The following RBPMS variants were observed in gnomAD, a reference collection of about 807,000 sequenced individuals.
The protein encoded by RBPMS is RNA-binding protein with multiple splicing.
In RBPMS, 7 loss-of-function variants were observed where a neutral mutation model predicts 26.8. The observed-to-expected ratio is 0.26, with a 90% CI of 0.15 to 0.49. The LOEUF (loss-of-function observed/expected upper bound fraction) is 0.49, where lower values mean the gene tolerates loss of function less well. RBPMS is among the 20% of genes least tolerant of loss of function. The pLI is 0.98. For missense variants in RBPMS, 186 were observed against 250.0 expected, an observed-to-expected ratio of 0.74 and a Z score of 1.73; for synonymous variants, 96 against 93.3, an observed-to-expected ratio of 1.03 and a Z score of -0.17.
intron 1 of RBPMS, among the ~76,000 whole-genome samples, chr8:30,451,162 G>A (rs1378166995): frequency 1.3e-5 from 2 of 152,154 alleles, no homozygotes; most frequent in East Asian, 3.9e-4. Flanking sequence ...GTAGAAGTAG[G>A]TGGACTACAA....
chr8:30,481,246 G>A (rs1022709717), intron 4 of RBPMS, among the ~76,000 whole-genome samples: 5 of 152,162 alleles, frequency 3.3e-5, no homozygotes, highest in Non-Finnish European at 7.3e-5. Context: ...GATTACAAGC[G>A]TGAGCCACCA....
At chr8:30,547,461 CTA>C (rs1184940233) in intron 6 of RBPMS, 13 of 1,574,954 alleles carry the variant, frequency 8.3e-6, no homozygotes, top group Non-Finnish European at 1.1e-5. Flanking sequence ...TTCACAAAAA[CTA>C]TTTCTTGACG....
intron 5 of RBPMS, among the ~76,000 whole-genome samples, chr8:30,511,873 C>T (rs1821755193): frequency 6.6e-6 from 1 of 151,968 alleles, no homozygotes; most frequent in South Asian, 2.1e-4. Flanking sequence ...ATTTGATGGC[C>T]AAGGTGCATT....
intron 4 of RBPMS, among the ~76,000 whole-genome samples, chr8:30,500,263 T>TA (rs1820408881): frequency 6.6e-6 from 1 of 152,130 alleles, no homozygotes; most frequent in African/African-American, 2.4e-5. Flanking sequence ...TTTCTGGACT[T>TA]ACACAGATAG....
At chr8:30,421,948 CTG>C (rs1810840468) in intron 1 of RBPMS, among the ~76,000 whole-genome samples, 2 of 82,902 alleles carry the variant, frequency 2.4e-5, no homozygotes, top group African/African-American at 5.5e-5. Flanking sequence ...TAGCGAGACT[CTG>C]TCTCAAAAAA....
intron 5 of RBPMS, among the ~76,000 whole-genome samples, chr8:30,505,706 T>C (rs974010270): frequency 9.8e-5 from 15 of 152,338 alleles, no homozygotes; most frequent in African/African-American, 3.6e-4. Context: ...TCTTCATCCT[T>C]ATAGTATCTA....
chr8:30,476,614 C>G (rs1395244719), intron 2 of RBPMS, among the ~76,000 whole-genome samples: 2 of 152,176 alleles, frequency 1.3e-5, no homozygotes, highest in Non-Finnish European at 2.9e-5. Flanking sequence ...GAAACCCCGA[C>G]TAGAAAGTCA....
At chr8:30,561,026 T>C (rs1000325972) in intron 7 of RBPMS, among the ~76,000 whole-genome samples, 1 of 152,230 alleles carries the variant, frequency 6.6e-6, no homozygotes, top group African/African-American at 2.4e-5. Context: ...TGTGCGCGCC[T>C]AAGTATCCTT....
At position 30,384,950 on chromosome 8, in the gene RBPMS, C is replaced by T; in HGVS notation, c.-143C>T. ...CCCAACCCGAGCCCGACAGCCACTG[C>T]CCCGGCTCCAGCTCCAGCCCCACAG... On this transcript the variant is annotated 5_prime_UTR_variant, in exon 1 of 9. Coordinates refer to ENST00000397323, the MANE Select transcript of RBPMS (RefSeq NM_001008710.3). This position sits in a 1 kb window ranked among gnomAD's most constrained non-coding sequence, Gnocchi z 5.6. 1 of 487,598 alleles carries T rather than the reference C, an allele frequency of 2.1e-6. No individual in the cohort carries two copies. The highest frequency in any genetic ancestry group is 3.3e-6 in the Non-Finnish European group (1 of 299,866). 30.2% of individuals were successfully genotyped at this position (487,598 alleles called of 1,614,324 possible). A position where few individuals can be genotyped will look rare whatever the true frequency, so the allele number is the denominator to read the frequency against.
intron 1 of RBPMS, among the ~76,000 whole-genome samples, chr8:30,445,572 C>A (rs922924910): frequency 3.3e-5 from 5 of 149,540 alleles, no homozygotes; most frequent in Non-Finnish European, 1.5e-5. Context: ...TTCATCTTTT[C>A]TTTCTCCTTG....
intron 1 of RBPMS, among the ~76,000 whole-genome samples, chr8:30,461,255 C>T (rs1019478796): frequency 1.3e-5 from 2 of 152,084 alleles, no homozygotes; most frequent in African/African-American, 2.4e-5. Flanking sequence ...AAATAGGCCC[C>T]TTATAAAAAG....
At chr8:30,530,377 G>A (rs1050776108) in intron 5 of RBPMS, among the ~76,000 whole-genome samples, 5 of 152,230 alleles carry the variant, frequency 3.3e-5, no homozygotes, top group African/African-American at 1.2e-4. Context: ...TAACTTCTCA[G>A]ACTCTGGGTT....
intron 6 of RBPMS, chr8:30,556,009 AG>A (rs200568455): frequency 7.1e-6 from 7 of 985,230 alleles, no homozygotes; most frequent in Non-Finnish European, 7.2e-6. Context: ...AGACTTGGCC[AG>A]GGGGGCACTG....
At chr8:30,474,165 A>G (rs1198917061) in intron 1 of RBPMS, among the ~76,000 whole-genome samples, 2 of 152,142 alleles carry the variant, frequency 1.3e-5, no homozygotes, top group African/African-American at 4.8e-5. Flanking sequence ...TTGGAACCGA[A>G]CAGATGAAGA....
intron 5 of RBPMS, among the ~76,000 whole-genome samples, chr8:30,538,484 G>C (rs1040872573): frequency 6.6e-6 from 1 of 152,144 alleles, no homozygotes; most frequent in Non-Finnish European, 1.5e-5. Flanking sequence ...TTGAACTCCT[G>C]ACCTCAAGTA....
intron 1 of RBPMS, among the ~76,000 whole-genome samples, chr8:30,474,333 C>T (rs1053011595): frequency 5.9e-5 from 9 of 152,028 alleles, no homozygotes; most frequent in East Asian, 1.9e-4. Flanking sequence ...ATTATATAGG[C>T]GATATATTTA....
intron 1 of RBPMS, chr8:30,453,616 A>G (rs1814860714): frequency 6.6e-6 from 1 of 152,232 alleles, no homozygotes; most frequent in Non-Finnish European, 1.5e-5. Flanking sequence ...TAACTGCAGA[A>G]GTACCTTATA....
intron 5 of RBPMS, 93 bp downstream of exon 5, chr8:30,504,529 T>C: frequency 7.8e-7 from 1 of 1,286,716 alleles, no homozygotes; most frequent in Non-Finnish European, 1.1e-6. Flanking sequence ...TGGAGCTGGC[T>C]GAGTCTTATT....
chr8:30,460,832 G>A (rs1384961452), intron 1 of RBPMS, among the ~76,000 whole-genome samples: 1 of 152,062 alleles, frequency 6.6e-6, no homozygotes, highest in Admixed American at 6.6e-5. Flanking sequence ...TGAGGTGGGT[G>A]GATCACTTGA....
Sources: gnomAD v4.1 joint callset for allele counts (sites outside exome capture counted in the v4.1 genomes callset) on GRCh38, gnomAD v4.1.1 for gene constraint, Gnocchi (gnomAD v3.1) non-coding constraint, MANE v1.5 for transcripts, NCBI Gene and HGNC (gene_info 2026-07-23, HGNC 2026-07-21) for gene names.